The following TRAM1 variants were observed in gnomAD, a reference collection of about 807,000 sequenced individuals.
TRAM1 encodes the protein translocating chain-associated membrane protein 1.
Under a neutral mutation model 48.7 loss-of-function variants are expected in TRAM1, and 17 were observed. That is an observed-to-expected ratio of 0.35 (90% CI 0.24 to 0.52). The LOEUF (loss-of-function observed/expected upper bound fraction) is 0.52. Ranked by LOEUF, TRAM1 falls within the 20% of genes least tolerant of loss-of-function variation. The pLI, the probability that TRAM1 is intolerant of heterozygous loss-of-function variation, is 0.94. For missense variants in TRAM1, 351 were observed against 441.5 expected (o/e 0.79, Z 1.84); for synonymous variants, 182 against 154.0 (o/e 1.18, Z -1.34).
chr8:70,601,834 A>T (rs268595), intron 1 of TRAM1, among the ~76,000 whole-genome samples: 136,276 of 152,250 alleles, frequency 0.9, 61,483 homozygotes, highest in Middle Eastern at 0.96. Context: ...CTGGGAGATG[A>T]GCAGTAAGGC....
At chr8:70,589,580 G>GT (rs1817304240) in intron 6 of TRAM1, among the ~76,000 whole-genome samples, 1 of 152,190 alleles carries the variant, frequency 6.6e-6, no homozygotes, top group Non-Finnish European at 1.5e-5. Flanking sequence ...GATCACGCCT[G>GT]TAATAACAGC....
chr8:70,587,780 AT>A (rs1817258991), intron 6 of TRAM1: 1 of 152,224 alleles, frequency 6.6e-6, no homozygotes, highest in Admixed American at 6.5e-5. Flanking sequence ...CATTTATACT[AT>A]TCCTTAATTG....
chr8:70,597,929 A>T lies in TRAM1; in HGVS notation c.392T>A (p.Phe131Tyr). The T allele has an allele frequency of 6.2e-7, 1 of 1,601,690 alleles. No individual in the cohort carries two copies. The highest frequency in any genetic ancestry group is 8.5e-7 in the Non-Finnish European group (1 of 1,172,656). ...ESGQLSAFYL[F>Y]ACVWGTFILI... ...AATGAATGTGCCCCAAACACAGGCA[A>T]AAAGGTAGAACGCACTAAGCTGACC... Residue 131 changes from phenylalanine to tyrosine, a missense_variant, in exon 4 of 11, where the codon TTT (phenylalanine) becomes TAT (tyrosine). Physicochemically the swap from Phe to Tyr is conservative, Grantham distance 22. Transcript: ENST00000262213.
chr8:70,602,024 A>C (rs2132045297), intron 1 of TRAM1, among the ~76,000 whole-genome samples: 1 of 152,384 alleles, frequency 6.6e-6, no homozygotes, highest in East Asian at 1.9e-4. Flanking sequence ...GGAAAAAAGC[A>C]AAACTTCAAG....
intron 6 of TRAM1, among the ~76,000 whole-genome samples, chr8:70,588,556 C>G (rs1433972348): frequency 1.3e-5 from 2 of 152,078 alleles, no homozygotes; most frequent in Non-Finnish European, 2.9e-5. Flanking sequence ...TGACTGCACT[C>G]CAGCCTGGGC....
chr8:70,596,886 C>T (rs1043593239), intron 4 of TRAM1, among the ~76,000 whole-genome samples: 3 of 150,176 alleles, frequency 2.0e-5, no homozygotes, highest in Non-Finnish European at 4.4e-5. Flanking sequence ...AGTATTTTCC[C>T]ACAGAAGTAT....
chr8:70,603,971 C>T (rs1307853189), intron 1 of TRAM1, among the ~76,000 whole-genome samples: 1 of 152,168 alleles, frequency 6.6e-6, no homozygotes, highest in Non-Finnish European at 1.5e-5. Context: ...AAGCCTCACA[C>T]CCTGCTAGCA....
chr8:70,581,886 T>A (rs1459715949), intron 10 of TRAM1, among the ~76,000 whole-genome samples: 2 of 152,198 alleles, frequency 1.3e-5, no homozygotes, highest in Admixed American at 1.3e-4. Flanking sequence ...TGGTTCTGTT[T>A]ACATGAAATG....
At chr8:70,578,531 G>A (rs2132023599) in intron 10 of TRAM1, among the ~76,000 whole-genome samples, 1 of 152,340 alleles carries the variant, frequency 6.6e-6, no homozygotes, top group South Asian at 2.1e-4. Context: ...TACTCAGGAG[G>A]CTGAGGTGGG....
chr8:70,574,798 A>C lies in TRAM1; in HGVS notation c.*134T>G. 1 of 662,784 alleles carries C rather than the reference A, an allele frequency of 1.5e-6. No homozygotes were observed. Among genetic ancestry groups the C allele is most frequent in the South Asian group, 2.0e-5 (1 of 50,156 alleles). The allele number at this position is 662,784 out of a possible 1,614,324, so 41.1% of individuals were successfully genotyped here. ...CTCCCCTCAAATGCCCTTTAAAAAAATGCATGAAACCGTACAATAGCAAAA... is the reference window on the plus strand; with the variant it reads ...CTCCCCTCAAATGCCCTTTAAAAAACTGCATGAAACCGTACAATAGCAAAA... On this transcript the variant is annotated 3_prime_UTR_variant, in exon 11 of 11. Coordinates refer to ENST00000262213, the MANE Select transcript of TRAM1 (RefSeq NM_014294.6).
intron 6 of TRAM1, among the ~76,000 whole-genome samples, chr8:70,589,575 C>T (rs891822655): frequency 1.3e-4 from 20 of 152,108 alleles, no homozygotes; most frequent in Non-Finnish European, 5.9e-5. Context: ...TGGTGGATCA[C>T]GCCTGTAATA....
chr8:70,576,954 C>G (rs73685671), intron 10 of TRAM1, among the ~76,000 whole-genome samples: 11,280 of 152,220 alleles, frequency 0.074, 463 homozygotes, highest in Non-Finnish European at 0.086. Context: ...TGAGACTGAC[C>G]CTGGGATTAG....
chr8:70,591,007 TAAAA>T (rs766457339), intron 6 of TRAM1, among the ~76,000 whole-genome samples: 5 of 129,372 alleles, frequency 3.9e-5, no homozygotes, highest in African/African-American at 1.1e-4. Context: ...ACAATAATAA[TAAAA>T]AAAAAAAAGA....
At position 70,574,057 on chromosome 8, in the gene TRAM1, T is replaced by C. The variant is rs1816884990; in HGVS notation, c.*875A>G. On this transcript the variant is annotated 3_prime_UTR_variant, in exon 11 of 11. Transcript: ENST00000262213. ...AATTACCTGTCAGTCTTTTTATAGATATAAATCAAGTAGGCATTATGTTTT... is the reference window on the plus strand; with the variant it reads ...AATTACCTGTCAGTCTTTTTATAGACATAAATCAAGTAGGCATTATGTTTT... The C allele has an allele frequency of 4.3e-6, 1 of 230,280 alleles. No individual in the cohort carries two copies. The highest frequency in any genetic ancestry group is 8.7e-6 in the Non-Finnish European group (1 of 114,644). The allele number at this position is 230,280 out of a possible 1,614,324, so 14.3% of individuals were successfully genotyped here.
Position 70,607,081 on chromosome 8 carries a change from A to G in TRAM1, c.123+996T>C, listed in dbSNP as rs530747101. ...AAGGCAGGAGCAAAATAATTTGTAT[A>G]TTTACTGAGACATAAAGGCTCCAGA... On this transcript the variant is annotated intron_variant, in intron 1 of 10. Coordinates refer to ENST00000262213, the MANE Select transcript of TRAM1 (RefSeq NM_014294.6). 58 of 940,904 alleles carry G rather than the reference A, an allele frequency of 6.2e-5. No individual in the cohort carries two copies. The African/African-American group carries it at 9.6e-4, about 16-fold the overall frequency. The allele number at this position is 940,904 out of a possible 1,614,324, so 58.3% of individuals were successfully genotyped here.
rs1477616595 is a variant in TRAM1, at chr8:70,573,749, TATG to T, written c.*1180_*1182del. 4.6e-5 allele frequency: 7 copies of T among 152,450 alleles called. No homozygotes were observed. In the East Asian group the frequency reaches 1.3e-3, roughly 29 times the overall value. The allele number at this position is 152,450 out of a possible 1,614,324, so 9.4% of individuals were successfully genotyped here. A position where few individuals can be genotyped will look rare whatever the true frequency, so the allele number is the denominator to read the frequency against. On this transcript the variant is annotated 3_prime_UTR_variant, in exon 11 of 11. Transcript: ENST00000262213. ...AAAAGAACAATATATATACTGTAAATATGATGAATAAACCAAATGTAGCTATAA... is the reference window on the plus strand; with the variant it reads ...AAAAGAACAATATATATACTGTAAATATGAATAAACCAAATGTAGCTATAA...
intron 9 of TRAM1, 108 bp from the exon 10 acceptor site, chr8:70,583,432 A>C (rs541180717): frequency 7.4e-7 from 1 of 1,352,804 alleles, no homozygotes; most frequent in Non-Finnish European, 9.9e-7. Flanking sequence ...AGTTGAGAAA[A>C]TTGTATTAAT....
chr8:70,603,787 CA>C (rs1451582947), intron 1 of TRAM1, among the ~76,000 whole-genome samples: 1 of 152,096 alleles, frequency 6.6e-6, no homozygotes. Context: ...CTAAAAGCAG[CA>C]AAAATTAGAT....
In TRAM1 at chr8:70,589,793, G is replaced by A. The variant is rs761429917; in HGVS notation, c.571-2617C>T. On this transcript the variant is annotated intron_variant, in intron 6 of 10. Transcript: ENST00000262213. ...GTTGAGGCTGCAGCTGCACTGAGCC[G>A]TGATTGTGGCCACTGCACTCCAGCA... 9.6e-4 allele frequency among the ~76,000 whole-genome samples: 146 copies of A among 152,126 alleles called. 1 individual carries two copies. The highest frequency in any genetic ancestry group is 1.9e-3 in the Non-Finnish European group (128 of 68,022).
Sources: gnomAD v4.1 joint callset for allele counts (sites outside exome capture counted in the v4.1 genomes callset) on GRCh38, gnomAD v4.1.1 for gene constraint, MANE v1.5 for transcripts, NCBI Gene and HGNC (gene_info 2026-07-23, HGNC 2026-07-21) for gene names.